Variants in SIK2 observed in about 807,000 individuals in gnomAD.
SIK2 encodes the protein salt inducible kinase 2.
Under a neutral mutation model 103.2 loss-of-function variants are expected in SIK2, and 29 were observed. The observed-to-expected ratio is 0.28, with a 90% CI of 0.21 to 0.38. The LOEUF (loss-of-function observed/expected upper bound fraction) is 0.38. SIK2 is among the 10% of genes least tolerant of loss of function. The pLI, the probability that SIK2 is intolerant of heterozygous loss-of-function variation, is 1.00. For missense variants in SIK2, 879 were observed against 1,171.0 expected, an observed-to-expected ratio of 0.75 and a Z score of 3.64; for synonymous variants, 412 against 446.1, an observed-to-expected ratio of 0.92 and a Z score of 0.96.
intron 1 of SIK2, among the ~76,000 whole-genome samples, chr11:111,614,215 C>G (rs1408078003): frequency 1.3e-5 from 2 of 151,960 alleles, no homozygotes; most frequent in Non-Finnish European, 2.9e-5. Context: ...CCAGGTCAAC[C>G]TGGGATTACA....
At chr11:111,659,353 A>G (rs1942438049) in intron 3 of SIK2, among the ~76,000 whole-genome samples, 1 of 152,194 alleles carries the variant, frequency 6.6e-6, no homozygotes. Flanking sequence ...GTTAAGTAGG[A>G]GAACACACAC....
At chr11:111,654,635 T>G (rs1294198423) in intron 3 of SIK2, among the ~76,000 whole-genome samples, 1 of 152,346 alleles carries the variant, frequency 6.6e-6, no homozygotes, top group East Asian at 1.9e-4. Flanking sequence ...TTTCAAAGTG[T>G]TGTTCTACAG....
intron 14 of SIK2, among the ~76,000 whole-genome samples, chr11:111,723,177 G>A (rs1297647275): frequency 1.3e-5 from 2 of 152,198 alleles, no homozygotes; most frequent in African/African-American, 4.8e-5. Flanking sequence ...GACACCTGCA[G>A]AGGCCAAGGT....
At position 111,719,689 on chromosome 11, in the gene SIK2, G is replaced by A. The variant is rs1943745272; in HGVS notation, c.1267-86G>A. ...AAATATTTTACTTAATTTCTAGTTCGCCACAAGTCTTGACATGTTTTCCTT... is the reference window on the plus strand; with the variant it reads ...AAATATTTTACTTAATTTCTAGTTCACCACAAGTCTTGACATGTTTTCCTT... On this transcript the variant is annotated intron_variant, in intron 9 of 14. Coordinates refer to ENST00000304987, the MANE Select transcript of SIK2 (RefSeq NM_015191.3). The A allele has an allele frequency of 7.6e-6, 10 of 1,308,302 alleles. No homozygotes were observed. In the Admixed American group the frequency reaches 8.4e-5, roughly 11 times the overall value. The allele number at this position is 1,308,302 out of a possible 1,614,324, so 81.0% of individuals were successfully genotyped here. A position where few individuals can be genotyped will look rare whatever the true frequency, so the allele number is the denominator to read the frequency against.
At chr11:111,685,276 T>C (rs1240547352) in intron 3 of SIK2, among the ~76,000 whole-genome samples, 1 of 152,206 alleles carries the variant, frequency 6.6e-6, no homozygotes, top group Admixed American at 6.5e-5. Context: ...CAGTTCACAA[T>C]AGGGTTCACA....
In SIK2 at chr11:111,727,305, C is replaced by T. The variant is rs1591655881; in HGVS notation, c.*3176C>T. The T allele has an allele frequency of 1.9e-6, 1 of 521,726 alleles. No individual in the cohort carries two copies. The highest frequency in any genetic ancestry group is 3.4e-6 in the Non-Finnish European group (1 of 292,900). The allele number at this position is 521,726 out of a possible 1,614,324, so 32.3% of individuals were successfully genotyped here. On this transcript the variant is annotated 3_prime_UTR_variant, in exon 15 of 15. Transcript: ENST00000304987. The stretch of plus-strand genomic sequence containing the variant: ...CTGTTCATGCCCATCTGAGCAAACC[C>T]CTTCTCTCTTCCATCCACTTTTGCC...
chr11:111,652,727 T>C (rs1220832125), intron 3 of SIK2, among the ~76,000 whole-genome samples: 3 of 152,220 alleles, frequency 2.0e-5, no homozygotes, highest in African/African-American at 7.2e-5. Flanking sequence ...AATCATCTTG[T>C]ATGTCTTTTC....
rs114461157 is a variant in SIK2, at chr11:111,637,408, G to A, written c.316+17006G>A. Among the ~76,000 whole-genome samples the A allele has an allele frequency of 8.3e-3, 1,240 of 149,638 alleles. 25 individuals carry two copies. Among genetic ancestry groups the A allele is most frequent in the African/African-American group, 0.027 (1,113 of 40,780 alleles). ...GTGCAGATTTGTTACATAGGTAAAC[G>A]TGTGCCATGGAATAACACCCTTATC... is the stretch of plus-strand genomic sequence containing the variant. On this transcript the variant is annotated intron_variant, in intron 3 of 14. Coordinates refer to ENST00000304987, the MANE Select transcript of SIK2 (RefSeq NM_015191.3).
chr11:111,642,131 T>C (rs1287575264), intron 3 of SIK2, among the ~76,000 whole-genome samples: 2 of 152,156 alleles, frequency 1.3e-5, no homozygotes, highest in African/African-American at 4.8e-5. Context: ...TGACACCAAA[T>C]GCGGAGGGTG....
chr11:111,668,811 C>T (rs1242018773), intron 3 of SIK2, among the ~76,000 whole-genome samples: 12 of 152,150 alleles, frequency 7.9e-5, no homozygotes, highest in East Asian at 5.8e-4. Context: ...AAGGGATAAT[C>T]GTGACTTGCA....
At chr11:111,671,411 C>T (rs1942625960) in intron 3 of SIK2, 1 of 246,334 alleles carries the variant, frequency 4.1e-6, no homozygotes, top group African/African-American at 2.3e-5. Context: ...ATGGCAGCCT[C>T]CAGGGAAGCC....
In SIK2 at chr11:111,726,904, G is replaced by C; in HGVS notation, c.*2775G>C. Reference sequence around the variant, plus strand: ...TGAACGTGAGGTAAAAATTTCGTTCGGCAAAAAGTGCAATATGTGTGGTAC... The same window carrying C: ...TGAACGTGAGGTAAAAATTTCGTTCCGCAAAAAGTGCAATATGTGTGGTAC... On this transcript the variant is annotated 3_prime_UTR_variant, in exon 15 of 15. Coordinates refer to ENST00000304987, the MANE Select transcript of SIK2 (RefSeq NM_015191.3). The C allele has an allele frequency of 6.5e-7, 1 of 1,548,440 alleles. No individual in the cohort carries two copies.
chr11:111,690,809 G>A lies in SIK2; in HGVS notation c.478+2647G>A, dbSNP rs150222635. ...GAACTCATTCTTTTTTTATGTCTGC[G>A]TAGTATTCCATTGTGTATATGTGCC... On this transcript the variant is annotated intron_variant, in intron 4 of 14. Coordinates refer to ENST00000304987, the MANE Select transcript of SIK2 (RefSeq NM_015191.3). 1.8e-4 allele frequency among the ~76,000 whole-genome samples: 28 copies of A among 152,212 alleles called. 1 individual carries two copies. Among genetic ancestry groups the A allele is most frequent in the African/African-American group, 5.3e-4 (22 of 41,520 alleles).
intron 3 of SIK2, among the ~76,000 whole-genome samples, chr11:111,672,749 T>C (rs1472025230): frequency 6.6e-6 from 1 of 152,194 alleles, no homozygotes; most frequent in Non-Finnish European, 1.5e-5. Context: ...GGACTTTTAA[T>C]GTCTTTCAAG....
intron 3 of SIK2, among the ~76,000 whole-genome samples, chr11:111,621,145 G>C (rs1473390373): frequency 6.6e-6 from 1 of 152,118 alleles, no homozygotes; most frequent in Non-Finnish European, 1.5e-5. Context: ...TTAATGTTTT[G>C]ATACACGTTT....
chr11:111,604,243 T>C (rs1941620208), intron 1 of SIK2, among the ~76,000 whole-genome samples: 1 of 152,276 alleles, frequency 6.6e-6, no homozygotes, highest in Non-Finnish European at 1.5e-5. Context: ...GCCATGCCAT[T>C]TCCCTTTAAG....
chr11:111,698,362 C>T lies in SIK2; in HGVS notation c.479-2524C>T, dbSNP rs74958423. On this transcript the variant is annotated intron_variant, in intron 4 of 14. Transcript: ENST00000304987. ...GCCAGGCCACCTTCTTGACAGGCCTCTGTCCCATTCACTCCTTTGAGTTTA... is the reference window on the plus strand; with the variant it reads ...GCCAGGCCACCTTCTTGACAGGCCTTTGTCCCATTCACTCCTTTGAGTTTA... Among the ~76,000 whole-genome samples the T allele has an allele frequency of 3.9e-5, 6 of 152,336 alleles. No individual in the cohort carries two copies. In the East Asian group the frequency reaches 9.7e-4, roughly 25 times the overall value.
At chr11:111,706,896 G>GT (rs896717390) in intron 8 of SIK2, among the ~76,000 whole-genome samples, 8 of 149,754 alleles carry the variant, frequency 5.3e-5, no homozygotes, top group Non-Finnish European at 8.9e-5. Context: ...GGAGGCAGAG[G>GT]TTGAAGTGAG....
At chr11:111,653,352 A>G (rs1353462595) in intron 3 of SIK2, among the ~76,000 whole-genome samples, 2 of 152,256 alleles carry the variant, frequency 1.3e-5, no homozygotes, top group Non-Finnish European at 2.9e-5. Flanking sequence ...GGAACCATAG[A>G]TTGAGAAAAA....
Sources: gnomAD v4.1 joint callset for allele counts (sites outside exome capture counted in the v4.1 genomes callset) on GRCh38, gnomAD v4.1.1 for gene constraint, MANE v1.5 for transcripts, NCBI Gene and HGNC (gene_info 2026-07-23, HGNC 2026-07-21) for gene names.